PARD3: variants seen among roughly 807,000 people sequenced by gnomAD.
The protein encoded by PARD3 is par-3 family cell polarity regulator.
In PARD3, 75 loss-of-function variants were observed where a neutral mutation model predicts 155.4. That is an observed-to-expected ratio of 0.48 (90% CI 0.40 to 0.58). The LOEUF (loss-of-function observed/expected upper bound fraction) is 0.58, where lower values mean the gene tolerates loss of function less well. Among genes scored for constraint, PARD3 ranks in the 20% least tolerant of loss-of-function variants. PARD3 has a pLI of 0.00. For missense variants in PARD3, 1,642 were observed against 1,721.7 expected, an observed-to-expected ratio of 0.95 and a Z score of 0.82; for synonymous variants, 576 against 610.5, an observed-to-expected ratio of 0.94 and a Z score of 0.83.
At chr10:34,296,111 T>C (rs760464316) in intron 20 of PARD3, among the ~76,000 whole-genome samples, 15 of 152,204 alleles carry the variant, frequency 9.9e-5, no homozygotes, top group Non-Finnish European at 1.9e-4. Context: ...TCTCTCTGAT[T>C]TACCTCCACT....
intron 2 of PARD3, among the ~76,000 whole-genome samples, chr10:34,568,185 A>C (rs2086111405): frequency 1.3e-5 from 2 of 152,180 alleles, no homozygotes; most frequent in South Asian, 4.1e-4. Context: ...GCCTTCCAAA[A>C]ATTGCATTTT....
intron 1 of PARD3, among the ~76,000 whole-genome samples, chr10:34,757,817 C>T (rs945213804): frequency 2.6e-5 from 4 of 152,218 alleles, no homozygotes; most frequent in Admixed American, 2.0e-4. Flanking sequence ...ATCAGTGACA[C>T]ATTTTTCTGC....
Position 34,513,047 on chromosome 10 carries a change from A to T in PARD3, c.403+3932T>A. On this transcript the variant is annotated intron_variant, in intron 3 of 24. Coordinates refer to ENST00000374788, the MANE Select transcript of PARD3 (RefSeq NM_001184785.2). ...TTGTTATGTTTAGGCTACCAAAAAA[A>T]TATATTTATGGTCAGATATTTCATA... 1.3e-5 allele frequency among the ~76,000 whole-genome samples: 2 copies of T among 152,222 alleles called. 1 individual carries two copies. The highest frequency in any genetic ancestry group is 2.9e-5 in the Non-Finnish European group (2 of 68,048).
At chr10:34,354,138 A>G (rs1053097895) in intron 14 of PARD3, among the ~76,000 whole-genome samples, 3 of 151,532 alleles carry the variant, frequency 2.0e-5, no homozygotes, top group African/African-American at 7.3e-5. Context: ...TTCAAAAAAA[A>G]AAAACAAAAA....
chr10:34,208,130 T>C (rs1374140287), intron 22 of PARD3, among the ~76,000 whole-genome samples: 1 of 152,240 alleles, frequency 6.6e-6, no homozygotes, highest in Non-Finnish European at 1.5e-5. Context: ...TTTAGAGACA[T>C]AACCATGAAC....
At chr10:34,619,111 C>T (rs932075271) in intron 2 of PARD3, among the ~76,000 whole-genome samples, 1 of 150,068 alleles carries the variant, frequency 6.7e-6, no homozygotes, top group Non-Finnish European at 1.5e-5. Flanking sequence ...AGTACAGTGG[C>T]ATGATCTTGG....
chr10:34,485,616 G>A (rs1371739116), intron 3 of PARD3, among the ~76,000 whole-genome samples: 2 of 152,142 alleles, frequency 1.3e-5, no homozygotes, highest in African/African-American at 4.8e-5. Context: ...TAAAGATCTG[G>A]AATAAACAGA....
intron 8 of PARD3, among the ~76,000 whole-genome samples, chr10:34,383,348 G>A (rs1486554306): frequency 6.6e-6 from 1 of 151,518 alleles, no homozygotes; most frequent in East Asian, 1.9e-4. Context: ...ATTATATTTA[G>A]AATATTGGAT....
intron 5 of PARD3, among the ~76,000 whole-genome samples, chr10:34,430,887 G>A (rs565263071): frequency 3.3e-5 from 5 of 152,332 alleles, no homozygotes; most frequent in Non-Finnish European, 5.9e-5. Flanking sequence ...CTCACAGGGT[G>A]TGACACAGAG....
chr10:34,554,518 G>T (rs1334631039), intron 2 of PARD3, among the ~76,000 whole-genome samples: 1 of 152,114 alleles, frequency 6.6e-6, no homozygotes, highest in Non-Finnish European at 1.5e-5. Context: ...TCTAGCACAT[G>T]GTTTTAATAC....
chr10:34,795,575 A>C (rs1842162143), intron 1 of PARD3, among the ~76,000 whole-genome samples: 1 of 151,778 alleles, frequency 6.6e-6, no homozygotes, highest in Non-Finnish European at 1.5e-5. Flanking sequence ...GCACCACTGT[A>C]CTCCAGCCTG....
chr10:34,440,128 T>C (rs1427844858), intron 5 of PARD3, among the ~76,000 whole-genome samples: 1 of 152,112 alleles, frequency 6.6e-6, no homozygotes, highest in African/African-American at 2.4e-5. Flanking sequence ...AGAAATAGAT[T>C]AAATAGCTAG....
intron 22 of PARD3, among the ~76,000 whole-genome samples, chr10:34,139,327 T>C (rs890664677): frequency 4.6e-5 from 7 of 152,202 alleles, no homozygotes; most frequent in African/African-American, 1.4e-4. Context: ...AGTCCCCTCA[T>C]TTAAGAAAAA....
intron 3 of PARD3, among the ~76,000 whole-genome samples, chr10:34,489,807 CCTT>C (rs2079766142): frequency 6.6e-6 from 1 of 152,154 alleles, no homozygotes. Flanking sequence ...ATGCTAAGAA[CCTT>C]AATGTCATGA....
At chr10:34,359,000 C>A in intron 14 of PARD3, 147 bp downstream of exon 14, 1 of 581,230 alleles carries the variant, frequency 1.7e-6, no homozygotes, top group Non-Finnish European at 3.0e-6. Flanking sequence ...CACAATCCAC[C>A]TACAAAATAA....
At chr10:34,568,015 C>A (rs979098090) in intron 2 of PARD3, among the ~76,000 whole-genome samples, 3 of 152,184 alleles carry the variant, frequency 2.0e-5, no homozygotes, top group African/African-American at 7.2e-5. Context: ...AGGAACAAAA[C>A]CAACTGTCTT....
intron 4 of PARD3, among the ~76,000 whole-genome samples, chr10:34,469,565 C>T (rs1049569771): frequency 1.3e-5 from 2 of 152,180 alleles, no homozygotes; most frequent in African/African-American, 2.4e-5. Flanking sequence ...TAGGATAAAA[C>T]GATCAACTGT....
intron 22 of PARD3, among the ~76,000 whole-genome samples, chr10:34,236,192 A>G (rs1953222078): frequency 6.6e-6 from 1 of 152,068 alleles, no homozygotes; most frequent in Middle Eastern, 3.2e-3. Context: ...CTTACTGGAG[A>G]GATGATGACT....
At chr10:34,138,981 A>G (rs1202457250) in intron 22 of PARD3, among the ~76,000 whole-genome samples, 2 of 152,114 alleles carry the variant, frequency 1.3e-5, no homozygotes, top group Non-Finnish European at 2.9e-5. Context: ...AAAAGAAAAA[A>G]GCTTTTTCCT....
Sources: allele counts gnomAD v4.1 joint callset (sites outside exome capture counted in the v4.1 genomes callset), GRCh38; gene constraint gnomAD v4.1.1; transcripts MANE v1.5; gene names NCBI Gene and HGNC (gene_info 2026-07-23, HGNC 2026-07-21).